The following DRC1 variants were observed in gnomAD, a reference collection of about 807,000 sequenced individuals.
DRC1 encodes the protein dynein regulatory complex subunit 1, also known as dynein regulatory complex protein 1.
DRC1 carries 74 observed loss-of-function variants against 98.7 expected under a neutral mutation model. The observed-to-expected ratio is 0.75, with a 90% CI of 0.62 to 0.91. The LOEUF is 0.91. Among genes scored for constraint, DRC1 ranks in the 40% least tolerant of loss-of-function variants. The pLI is 0.00. For missense variants in DRC1, 875 were observed against 886.0 expected, an observed-to-expected ratio of 0.99 and a Z score of 0.16; for synonymous variants, 336 against 334.1, an observed-to-expected ratio of 1.01 and a Z score of -0.06.
chr2:26,419,775 G>A (rs1376463692), intron 2 of DRC1, among the ~76,000 whole-genome samples: 1 of 152,152 alleles, frequency 6.6e-6, no homozygotes, highest in East Asian at 1.9e-4. Context: ...CGAACTTTTT[G>A]TTGAGAGGAT....
intron 1 of DRC1, among the ~76,000 whole-genome samples, chr2:26,408,295 C>T (rs1484339600): frequency 1.3e-5 from 2 of 152,088 alleles, no homozygotes; most frequent in South Asian, 2.1e-4. Flanking sequence ...TAGACAGAGG[C>T]GAGGCAAGGA....
At chr2:26,416,606 T>C (rs563959501) in intron 2 of DRC1, among the ~76,000 whole-genome samples, 1 of 152,228 alleles carries the variant, frequency 6.6e-6, no homozygotes, top group East Asian at 1.9e-4. Context: ...CGTGTAAGGG[T>C]AGGGTTCCAG....
At chr2:26,415,668 A>C (rs1678774539) in intron 2 of DRC1, among the ~76,000 whole-genome samples, 1 of 152,178 alleles carries the variant, frequency 6.6e-6, no homozygotes, top group African/African-American at 2.4e-5. Context: ...GCGGTGGCTC[A>C]CGTCTATGAT....
intron 13 of DRC1, among the ~76,000 whole-genome samples, chr2:26,451,230 C>A (rs1572386082): frequency 6.6e-6 from 1 of 152,098 alleles, no homozygotes; most frequent in Non-Finnish European, 1.5e-5. Flanking sequence ...GAGGCCCAAG[C>A]AATCTTTTCC....
chr2:26,439,975 A>G (rs1460791961), intron 7 of DRC1, among the ~76,000 whole-genome samples: 1 of 144,620 alleles, frequency 6.9e-6, no homozygotes, highest in Non-Finnish European at 1.5e-5. Context: ...ATATATATAC[A>G]CACATATATA....
At chr2:26,428,657 G>A (rs541836757) in intron 4 of DRC1, among the ~76,000 whole-genome samples, 1 of 152,220 alleles carries the variant, frequency 6.6e-6, no homozygotes. Context: ...AATTAGCCAG[G>A]CATAGTGATG....
intron 4 of DRC1, among the ~76,000 whole-genome samples, chr2:26,426,381 T>G (rs1663283687): frequency 6.6e-6 from 1 of 151,992 alleles, no homozygotes; most frequent in Non-Finnish European, 1.5e-5. Context: ...TTTTTTTTTT[T>G]TTTGAGACTG....
In DRC1 at chr2:26,455,866, C is replaced by G. The variant is rs1664148026; in HGVS notation, c.2167-595C>G. 1.3e-5 allele frequency among the ~76,000 whole-genome samples: 2 copies of G among 152,352 alleles called. 1 individual carries two copies. The highest frequency in any genetic ancestry group is 2.9e-5 in the Non-Finnish European group (2 of 68,040). On this transcript the variant is annotated intron_variant, in intron 16 of 16. Transcript: ENST00000288710. ...GGAAAAAGTCCATTGCTGACATTTC[C>G]TGCTCTGCGGGTGTGGGCACCTGCA...
chr2:26,403,092 A>AAT (rs1678304292), intron 1 of DRC1, among the ~76,000 whole-genome samples: 1 of 152,230 alleles, frequency 6.6e-6, no homozygotes, highest in Non-Finnish European at 1.5e-5. Flanking sequence ...TGTATCACAA[A>AAT]ATAGCCTTCT....
chr2:26,412,972 C>CG (rs1325652973), intron 1 of DRC1, among the ~76,000 whole-genome samples: 1 of 152,100 alleles, frequency 6.6e-6, no homozygotes, highest in Non-Finnish European at 1.5e-5. Flanking sequence ...TTAGTAGAGA[C>CG]GGGGTTTCAC....
chr2:26,452,299 A>G (rs1374297804), intron 13 of DRC1, among the ~76,000 whole-genome samples: 1 of 152,212 alleles, frequency 6.6e-6, no homozygotes, highest in African/African-American at 2.4e-5. Context: ...TCTGTTGCCC[A>G]GGCTGGAGTG....
chr2:26,451,974 C>T (rs1413898274), intron 13 of DRC1, among the ~76,000 whole-genome samples: 1 of 152,050 alleles, frequency 6.6e-6, no homozygotes, highest in Non-Finnish European at 1.5e-5. Flanking sequence ...TGAACAACTC[C>T]TAGAAGAGGC....
Position 26,444,271 on chromosome 2 carries a change from A to G in DRC1, c.1078A>G (p.Lys360Glu). 6.2e-7 allele frequency: 1 copy of G among 1,614,196 alleles called. No homozygotes were observed. The highest frequency in any genetic ancestry group is 2.2e-5 in the East Asian group (1 of 44,888). ...NLRSKYAKQI[K>E]QFQEENQSLT... ...GAGATCAAAATATGCCAAGCAAATAAAGCAGTTTCAGGAGGAGAACCAGTC... is the reference window on the plus strand; with the variant it reads ...GAGATCAAAATATGCCAAGCAAATAGAGCAGTTTCAGGAGGAGAACCAGTC... The change falls in exon 9 of 17, where the codon AAG becomes GAG. Residue 360 changes from lysine to glutamate, a missense_variant. Transcript: ENST00000288710.
chr2:26,437,774 C>G (rs928737643), intron 7 of DRC1, among the ~76,000 whole-genome samples: 1 of 151,646 alleles, frequency 6.6e-6, no homozygotes, highest in East Asian at 1.9e-4. Flanking sequence ...ACATGGTAAA[C>G]ATATTAAATA....
intron 2 of DRC1, 167 bp from the exon 3 acceptor site, chr2:26,421,121 A>G (rs1663127871): frequency 1.9e-6 from 1 of 515,868 alleles, no homozygotes; most frequent in African/African-American, 2.0e-5. Flanking sequence ...AAATGTCCTG[A>G]TAGAAAAGGG....
chr2:26,440,560 C>A (rs995683847), intron 8 of DRC1, 43 bp downstream of exon 8: 3 of 1,589,556 alleles, frequency 1.9e-6, no homozygotes, highest in Non-Finnish European at 1.7e-6. Flanking sequence ...GCCTTCTGTG[C>A]TGAGAATAGG....
chr2:26,453,491 C>T lies in DRC1; in HGVS notation c.1861C>T (p.His621Tyr), dbSNP rs1664063696. The T allele has an allele frequency of 1.9e-6, 3 of 1,614,020 alleles. No individual in the cohort carries two copies. The South Asian group carries it at 3.3e-5, about 18-fold the overall frequency. Reference protein sequence around the residue: ...EETPPSPWVIHPNDVLKILEA... With the variant: ...EETPPSPWVIYPNDVLKILEA... ...GACCCCACCCTCCCCCTGGGTCATC[C>T]ACCCCAATGATGTCCTCAAGATTCT... The change falls in exon 14 of 17, where the codon CAC becomes TAC. Residue 621 changes from histidine to tyrosine, a missense_variant. His to Tyr is a moderately conservative substitution (Grantham distance 83). Transcript: ENST00000288710.
intron 7 of DRC1, 29 bp from the exon 8 acceptor site, chr2:26,440,349 A>C (rs201498921): frequency 8.3e-7 from 1 of 1,211,886 alleles, no homozygotes; most frequent in Non-Finnish European, 1.1e-6. Context: ...GTGTGTGTAT[A>C]TATATATATA....
chr2:26,421,642 C>T (rs1663146014), intron 3 of DRC1, among the ~76,000 whole-genome samples: 2 of 149,448 alleles, frequency 1.3e-5, no homozygotes, highest in Non-Finnish European at 3.0e-5. Flanking sequence ...CTCACCGCAA[C>T]CTCCACCTCC....
Sources: gnomAD v4.1 joint callset for allele counts (sites outside exome capture counted in the v4.1 genomes callset) on GRCh38, gnomAD v4.1.1 for gene constraint, MANE v1.5 for transcripts, NCBI Gene and HGNC (gene_info 2026-07-23, HGNC 2026-07-21) for gene names.